ZFHX3: variants seen among roughly 807,000 people sequenced by gnomAD.
The protein encoded by ZFHX3 is zinc finger homeobox 3.
A neutral mutation model predicts 279.1 loss-of-function variants in ZFHX3; 42 were observed. The observed-to-expected ratio is 0.15, with a 90% CI of 0.12 to 0.19. The LOEUF is 0.19. ZFHX3 is among the 10% of genes least tolerant of loss of function. The pLI is 1.00. For synonymous variants in ZFHX3, 2,293 were observed against 1,957.8 expected, an observed-to-expected ratio of 1.17 and a Z score of -4.52; for missense variants, 4,981 against 4,754.0, an observed-to-expected ratio of 1.05 and a Z score of -1.40.
At chr16:73,545,692 C>T (rs1035253368) in intron 2 of ZFHX3, among the ~76,000 whole-genome samples, 26 of 152,030 alleles carry the variant, frequency 1.7e-4, no homozygotes, top group Middle Eastern at 3.4e-3. Flanking sequence ...CAATTTGATG[C>T]TGTTTCCTCC....
intron 1 of ZFHX3, among the ~76,000 whole-genome samples, chr16:73,836,386 A>G (rs1322669298): frequency 6.6e-6 from 1 of 152,250 alleles, no homozygotes; most frequent in East Asian, 1.9e-4. Flanking sequence ...ATTCTTAAAT[A>G]CCGAAATGGG....
chr16:73,059,400 A>G (rs1168639347), exon 1 of ZFHX3: 5 of 142,564 alleles, frequency 3.5e-5, no homozygotes, highest in Admixed American at 1.4e-4. Flanking sequence ...ACACACACGC[A>G]CACACACACC....
intron 3 of ZFHX3, among the ~76,000 whole-genome samples, chr16:73,403,267 C>T (rs1052939651): frequency 1.3e-5 from 2 of 152,114 alleles, no homozygotes; most frequent in Non-Finnish European, 2.9e-5. Flanking sequence ...AGTGAAACAC[C>T]GAGGGCTGCG....
At chr16:73,110,541 T>G (rs1387365398) in intron 7 of ZFHX3, among the ~76,000 whole-genome samples, 1 of 152,196 alleles carries the variant, frequency 6.6e-6, no homozygotes, top group Non-Finnish European at 1.5e-5. Flanking sequence ...CATACACTCT[T>G]TACACAGGAT....
chr16:73,882,239 C>T (rs901835827), intron 1 of ZFHX3, among the ~76,000 whole-genome samples: 3 of 152,002 alleles, frequency 2.0e-5, no homozygotes, highest in African/African-American at 2.4e-5. Flanking sequence ...CCCCGAGACA[C>T]GCAGAAATCC....
intron 2 of ZFHX3, among the ~76,000 whole-genome samples, chr16:73,660,628 G>A (rs951066984): frequency 1.1e-4 from 16 of 151,938 alleles, no homozygotes; most frequent in Non-Finnish European, 2.1e-4. Context: ...GCTCATAAGG[G>A]ATACTACATC....
chr16:73,000,371 C>G (rs1280031355), intron 1 of ZFHX3, among the ~76,000 whole-genome samples: 1 of 152,194 alleles, frequency 6.6e-6, no homozygotes, highest in African/African-American at 2.4e-5. Flanking sequence ...ATATTTGGAG[C>G]CTGTTCTGCA....
intron 1 of ZFHX3, among the ~76,000 whole-genome samples, chr16:72,967,512 A>C (rs912639057): frequency 1.3e-5 from 2 of 151,766 alleles, no homozygotes; most frequent in African/African-American, 4.9e-5. Flanking sequence ...AACTCAACTA[A>C]TAAACGTAGA....
chr16:72,853,001 A>C (rs1240799762), intron 4 of ZFHX3, among the ~76,000 whole-genome samples: 1 of 152,254 alleles, frequency 6.6e-6, no homozygotes, highest in East Asian at 1.9e-4. Flanking sequence ...AGGTAACATA[A>C]GATGGCTGTG....
At chr16:73,692,620 C>T (rs1456173370) in intron 1 of ZFHX3, among the ~76,000 whole-genome samples, 1 of 152,226 alleles carries the variant, frequency 6.6e-6, no homozygotes, top group African/African-American at 2.4e-5. Context: ...CATTTCTCAA[C>T]TGAATTATGG....
chr16:72,957,455 C>T lies in ZFHX3; in HGVS notation c.2691G>A (p.Gly897=), dbSNP rs1961303950. 6.2e-7 allele frequency: 1 copy of T among 1,612,578 alleles called. No individual in the cohort carries two copies. Among genetic ancestry groups the T allele is most frequent in the Non-Finnish European group, 8.5e-7 (1 of 1,179,110 alleles). Residue 897 remains glycine (G), a synonymous_variant, in exon 2 of 10, where the codon GGG becomes GGA. Coordinates refer to ENST00000268489, the MANE Select transcript of ZFHX3 (RefSeq NM_006885.4). Reference sequence around the variant, plus strand: ...GAGCAGGCGTCATGGCGGCCATGGGCCCGGCGGGATCCAGCTGGAATCCGC... The same window carrying T: ...GAGCAGGCGTCATGGCGGCCATGGGTCCGGCGGGATCCAGCTGGAATCCGC... The part of the protein sequence containing the change: ...MMSGFQLDPA[G]PMAAMTPALV...
chr16:73,026,832 G>A (rs977746424), intron 1 of ZFHX3, among the ~76,000 whole-genome samples: 2 of 152,138 alleles, frequency 1.3e-5, no homozygotes, highest in Non-Finnish European at 2.9e-5. Flanking sequence ...TTATTCCAGA[G>A]ACCAGTGAAA....
intron 1 of ZFHX3, among the ~76,000 whole-genome samples, chr16:73,719,797 CTAATTTTGTATTTTTAGTAGAGACAG>C (rs2053456795): frequency 1.3e-4 from 1 of 7,488 alleles, no homozygotes; most frequent in Non-Finnish European, 1.3e-3. Flanking sequence ...CCAAGCCCAG[CTAATTTTGTATTTTTAGTAGAGACAG>C]GGTTTCTCCG....
intron 3 of ZFHX3, among the ~76,000 whole-genome samples, chr16:73,413,291 G>A (rs906913880): frequency 1.3e-5 from 2 of 152,216 alleles, no homozygotes; most frequent in Non-Finnish European, 2.9e-5. Flanking sequence ...ACAGGAGTGA[G>A]AAAGTTCAAA....
At chr16:73,832,254 G>T (rs562879489) in intron 1 of ZFHX3, among the ~76,000 whole-genome samples, 1 of 151,768 alleles carries the variant, frequency 6.6e-6, no homozygotes, top group Non-Finnish European at 1.5e-5. Flanking sequence ...TTTGACCCAG[G>T]TGGCAGCAAT....
At chr16:72,961,888 C>G (rs1184047331) in intron 1 of ZFHX3, among the ~76,000 whole-genome samples, 1 of 3,236 alleles carries the variant, frequency 3.1e-4, no homozygotes. Flanking sequence ...CTACAGTAAA[C>G]CAAACCAAAC....
chr16:73,178,263 G>A (rs1008822018), intron 5 of ZFHX3, among the ~76,000 whole-genome samples: 3 of 151,572 alleles, frequency 2.0e-5, no homozygotes, highest in Non-Finnish European at 4.4e-5. Flanking sequence ...TCAGCCTCCT[G>A]AGTAGCTAGG....
intron 1 of ZFHX3, among the ~76,000 whole-genome samples, chr16:73,789,918 G>T (rs1959771764): frequency 6.6e-6 from 1 of 152,094 alleles, no homozygotes; most frequent in African/African-American, 2.4e-5. Context: ...CCTACTAAAT[G>T]ATAAATTCAA....
In ZFHX3 at chr16:72,958,747, C is replaced by T. The variant is rs1397033992; in HGVS notation, c.1399G>A (p.Glu467Lys). ...EPAEEEAEEE[E>K]EEEEAEEEEE... ...TCCTCCTCCGCCTCTTCCTCCTCCT[C>T]TTCCTCCTCCGCCTCCTCTTCGGCT... Residue 467 changes from glutamate to lysine, a missense_variant, in exon 2 of 10, where the codon GAG (glutamate) becomes AAG (lysine). Transcript: ENST00000268489. 11 of 1,613,402 alleles carry T rather than the reference C, an allele frequency of 6.8e-6. No homozygotes were observed. Among genetic ancestry groups the T allele is most frequent in the Non-Finnish European group, 7.6e-6 (9 of 1,179,482 alleles).
Sources: allele counts gnomAD v4.1 joint callset (sites outside exome capture counted in the v4.1 genomes callset), GRCh38; gene constraint gnomAD v4.1.1; transcripts MANE v1.5; gene names NCBI Gene and HGNC (gene_info 2026-07-23, HGNC 2026-07-21).